Variants in FAM171A1 observed in about 807,000 individuals in gnomAD.
FAM171A1 encodes family with sequence similarity 171 member A1.
In FAM171A1, 23 loss-of-function variants were observed where a neutral mutation model predicts 74.9. That is an observed-to-expected ratio of 0.31 (90% CI 0.22 to 0.44). FAM171A1 has a LOEUF of 0.44. Among genes scored for constraint, FAM171A1 ranks in the 20% least tolerant of loss-of-function variants. FAM171A1 has a pLI of 1.00. For missense variants in FAM171A1, 1,162 were observed against 1,159.2 expected (o/e 1.00, Z -0.03); for synonymous variants, 527 against 505.7 (o/e 1.04, Z -0.57).
intron 1 of FAM171A1, among the ~76,000 whole-genome samples, chr10:15,314,004 TTA>T (rs1835394216): frequency 6.6e-6 from 1 of 152,220 alleles, no homozygotes; most frequent in Admixed American, 6.5e-5. Flanking sequence ...TCTCCTCCTG[TTA>T]TCTTTCCTGA....
intron 1 of FAM171A1, among the ~76,000 whole-genome samples, chr10:15,329,391 G>A (rs369242956): frequency 6.6e-6 from 1 of 152,144 alleles, no homozygotes; most frequent in East Asian, 1.9e-4. Flanking sequence ...GCGCACAATT[G>A]TAATCCCAGC....
At chr10:15,335,734 A>G (rs553948281) in intron 1 of FAM171A1, among the ~76,000 whole-genome samples, 3 of 152,248 alleles carry the variant, frequency 2.0e-5, no homozygotes, top group East Asian at 3.9e-4. Flanking sequence ...CGTTAGGTTC[A>G]CTTTTCAGCA....
intron 1 of FAM171A1, among the ~76,000 whole-genome samples, chr10:15,362,956 T>G (rs185982613): frequency 6.6e-6 from 1 of 152,212 alleles, no homozygotes; most frequent in Non-Finnish European, 1.5e-5. Context: ...GCAAAAAATA[T>G]AATGCCCCTC....
chr10:15,216,026 AC>A lies in FAM171A1; in HGVS notation c.955del (p.Val319PhefsTer15). 1 of 1,609,926 alleles carries A rather than the reference AC, an allele frequency of 6.2e-7. No homozygotes were observed. The highest frequency in any genetic ancestry group is 8.5e-7 in the Non-Finnish European group (1 of 1,179,274). On this transcript the variant is annotated frameshift_variant, in exon 7 of 8. Transcript: ENST00000378116. LOFTEE classifies it high-confidence loss of function. ...ATAATATAAAAGGAGACACAGCAAA[AC>A]CAAAAGTATGAAAGCCATTCCTCCT... is the stretch of plus-strand genomic sequence containing the variant. ...ILGGMAFILL[V>X]LLCLLLYYCR...
Position 15,282,903 on chromosome 10 carries a change from G to GATA in FAM171A1, c.325+972_325+974dup, listed in dbSNP as rs891991557. On this transcript the variant is annotated intron_variant, in intron 2 of 7. Coordinates refer to ENST00000378116, the MANE Select transcript of FAM171A1 (RefSeq NM_001010924.2). Reference sequence around the variant, plus strand: ...CCACTGTCCTCCACCCTCTGCTGGAGATAATAGTTAACACTGCTGATAAGC... The same window carrying GATA: ...CCACTGTCCTCCACCCTCTGCTGGAGATAATAATAGTTAACACTGCTGATAAGC... Among the ~76,000 whole-genome samples, 6 of 152,250 alleles carry GATA rather than the reference G, an allele frequency of 3.9e-5. No individual in the cohort carries two copies. The East Asian group carries it at 1.2e-3, about 29-fold the overall frequency.
At chr10:15,320,026 G>A (rs1187342353) in intron 1 of FAM171A1, among the ~76,000 whole-genome samples, 2 of 152,140 alleles carry the variant, frequency 1.3e-5, no homozygotes, top group Admixed American at 6.5e-5. Context: ...TGTTACATGA[G>A]TAAACTGCAT....
In FAM171A1 at chr10:15,275,850, T is replaced by A. The variant is rs1418888041; in HGVS notation, c.418+5A>T. The A allele has an allele frequency of 6.3e-7, 1 of 1,581,820 alleles. No individual in the cohort carries two copies. The highest frequency in any genetic ancestry group is 8.6e-7 in the Non-Finnish European group (1 of 1,156,536). ...AATAAAAACTGAAAAAAATATTAAA[T>A]ATACCTTGGAATCCTGATACTATTT... On this transcript the variant is annotated splice_donor_5th_base_variant and intron_variant, in intron 3 of 7. Transcript: ENST00000378116.
At chr10:15,245,212 T>C (rs1271663499) in intron 5 of FAM171A1, among the ~76,000 whole-genome samples, 1 of 152,118 alleles carries the variant, frequency 6.6e-6, no homozygotes, top group African/African-American at 2.4e-5. Context: ...ATTATAGGCA[T>C]GCACCACCAC....
At chr10:15,255,324 C>T (rs1003496648) in intron 3 of FAM171A1, among the ~76,000 whole-genome samples, 3 of 152,276 alleles carry the variant, frequency 2.0e-5, no homozygotes, top group Middle Eastern at 3.4e-3. Context: ...TGGTTTAATG[C>T]CATGAACCAA....
chr10:15,370,930 C>A, intron 1 of FAM171A1, 26 bp downstream of exon 1: 1 of 1,112,432 alleles, frequency 9.0e-7, no homozygotes, highest in Non-Finnish European at 1.1e-6. Context: ...GACACAAAGC[C>A]CCCGGCCCCG....
chr10:15,316,591 C>T (rs2131843202), intron 1 of FAM171A1, among the ~76,000 whole-genome samples: 1 of 152,314 alleles, frequency 6.6e-6, no homozygotes, highest in Non-Finnish European at 1.5e-5. Flanking sequence ...CAACCAATAA[C>T]TTTTGTGCTT....
At chr10:15,372,698 C>CAAAAAAAAAAAAAAAAAA (rs59712649), upstream of FAM171A1, among the ~76,000 whole-genome samples, 1 of 88,734 alleles carries the variant, frequency 1.1e-5, no homozygotes, top group African/African-American at 4.4e-5. Flanking sequence ...GACCCCGTCT[C>CAAAAAAAAAAAAAAAAAA]AAAAAAAAAA....
At chr10:15,370,706 G>GCGCCCC (rs1564294550) in intron 1 of FAM171A1, among the ~76,000 whole-genome samples, 3 of 151,224 alleles carry the variant, frequency 2.0e-5, no homozygotes, top group African/African-American at 7.3e-5. Flanking sequence ...GGAGCTGCCC[G>GCGCCCC]CGCCCCCGCC....
At chr10:15,341,789 G>T (rs1294630081) in intron 1 of FAM171A1, among the ~76,000 whole-genome samples, 1 of 152,148 alleles carries the variant, frequency 6.6e-6, no homozygotes, top group Non-Finnish European at 1.5e-5. Context: ...ACAGAAAAGG[G>T]ACCCTTCTGA....
intron 3 of FAM171A1, among the ~76,000 whole-genome samples, chr10:15,262,281 G>A (rs1254369485): frequency 2.0e-5 from 3 of 152,194 alleles, no homozygotes; most frequent in South Asian, 4.1e-4. Flanking sequence ...TCAGGCAGGA[G>A]GCTGCTATGA....
In FAM171A1 at chr10:15,250,306, C is replaced by G. The variant is rs570877348; in HGVS notation, c.578-1491G>C. Among the ~76,000 whole-genome samples the G allele has an allele frequency of 1.9e-4, 29 of 152,262 alleles. No individual in the cohort carries two copies. In the South Asian group the frequency reaches 6.0e-3, roughly 32 times the overall value. On this transcript the variant is annotated intron_variant, in intron 4 of 7. Coordinates refer to ENST00000378116, the MANE Select transcript of FAM171A1 (RefSeq NM_001010924.2). ...TGTCATTTTATGGTAAAAAAACAAC[C>G]AACCAACAAAACTCAGAATTTACCA...
At chr10:15,232,348 G>A (rs1834218262) in intron 5 of FAM171A1, among the ~76,000 whole-genome samples, 1 of 152,086 alleles carries the variant, frequency 6.6e-6, no homozygotes, top group African/African-American at 2.4e-5. Flanking sequence ...CTGCTTAATT[G>A]TTTCTCCGCC....
chr10:15,339,698 C>T (rs2131868470), intron 1 of FAM171A1, among the ~76,000 whole-genome samples: 1 of 152,262 alleles, frequency 6.6e-6, no homozygotes, highest in African/African-American at 2.4e-5. Flanking sequence ...CTTTCCCTTC[C>T]CACCTTTGTC....
intron 3 of FAM171A1, among the ~76,000 whole-genome samples, chr10:15,269,821 C>G (rs185253257): frequency 6.6e-6 from 1 of 152,172 alleles, no homozygotes; most frequent in African/African-American, 2.4e-5. Flanking sequence ...ATAGTTTAAT[C>G]AAATTCAAAT....
Sources: allele counts gnomAD v4.1 joint callset (sites outside exome capture counted in the v4.1 genomes callset), GRCh38; gene constraint gnomAD v4.1.1; transcripts MANE v1.5; gene names NCBI Gene and HGNC (gene_info 2026-07-23, HGNC 2026-07-21).